The following CAPN8 variants were observed in gnomAD, a reference collection of about 807,000 sequenced individuals.
The protein encoded by CAPN8 is calpain 8.
Under a neutral mutation model 80.9 loss-of-function variants are expected in CAPN8, and 87 were observed. That is an observed-to-expected ratio of 1.07 (90% CI 0.90 to 1.28). The LOEUF (loss-of-function observed/expected upper bound fraction) is 1.28. Ranked by LOEUF, CAPN8 falls within the 50% of genes most tolerant of loss-of-function variation. CAPN8 has a pLI of 0.00. For missense variants in CAPN8, 757 were observed against 702.0 expected, an observed-to-expected ratio of 1.08 and a Z score of -0.89; for synonymous variants, 299 against 273.8, an observed-to-expected ratio of 1.09 and a Z score of -0.91.
chr1:223,554,965 A>G (rs1656872105), intron 13 of CAPN8, among the ~76,000 whole-genome samples: 1 of 152,262 alleles, frequency 6.6e-6, no homozygotes. Context: ...TGGAAAAGTG[A>G]CAGCTTCCCA....
intron 2 of CAPN8, among the ~76,000 whole-genome samples, chr1:223,633,095 C>T (rs992362312): frequency 1.3e-5 from 2 of 152,176 alleles, no homozygotes; most frequent in African/African-American, 4.8e-5. Context: ...TTACACTAGC[C>T]CTGGGCTGTC....
At chr1:223,637,440 A>G (rs36072692) in intron 2 of CAPN8, among the ~76,000 whole-genome samples, 58,585 of 152,018 alleles carry the variant, frequency 0.39, 12,501 homozygotes, top group Non-Finnish European at 0.49. Context: ...TGCTCCCCTG[A>G]TTCCCATCAC....
chr1:223,636,932 C>G (rs534694213), intron 2 of CAPN8, among the ~76,000 whole-genome samples: 2 of 152,194 alleles, frequency 1.3e-5, no homozygotes, highest in African/African-American at 2.4e-5. Flanking sequence ...TTCTGTTTCC[C>G]CCCTTTTTCT....
At chr1:223,652,865 G>C (rs1658378629) in intron 2 of CAPN8, among the ~76,000 whole-genome samples, 1 of 152,024 alleles carries the variant, frequency 6.6e-6, no homozygotes, top group African/African-American at 2.4e-5. Context: ...TTCATTTCCT[G>C]TGCTTCCAGC....
Position 223,619,358 on chromosome 1 carries a change from T to C in CAPN8, c.1070A>G (p.Asn357Ser). The C allele has an allele frequency of 6.4e-7, 1 of 1,551,328 alleles. No individual in the cohort carries two copies. The highest frequency in any genetic ancestry group is 1.2e-5 in the South Asian group (1 of 83,980). The change falls in exon 9 of 21, where the codon AAC becomes AGC. Residue 357 changes from asparagine (N) to serine (S), a missense_variant. By Grantham distance (46) the Asn-to-Ser change is conservative. Coordinates refer to ENST00000366872, the MANE Select transcript of CAPN8 (RefSeq NM_001143962.2). ...CCAGTGGCCGTTGAACAGGACCAGG[T>C]TCCATTTGTGCACCTCCTCGCTACT... Reference protein sequence around the residue: ...SLSSEEVHKWNLVLFNGHWTR... With the variant: ...SLSSEEVHKWSLVLFNGHWTR...
intron 17 of CAPN8, 171 bp from the exon 18 acceptor site, chr1:223,545,021 G>C (rs1426890987): frequency 4.9e-6 from 7 of 1,419,950 alleles, no homozygotes; most frequent in Non-Finnish European, 5.6e-6. Flanking sequence ...GGCCAGTGCT[G>C]GCCCCTTTGC....
intron 16 of CAPN8, among the ~76,000 whole-genome samples, chr1:223,547,662 A>G (rs957139023): frequency 6.6e-6 from 1 of 152,174 alleles, no homozygotes; most frequent in Non-Finnish European, 1.5e-5. Flanking sequence ...TTCCATGGGT[A>G]TTTCTGCTGA....
intron 10 of CAPN8, among the ~76,000 whole-genome samples, chr1:223,614,674 C>T (rs75367973): frequency 1.4e-3 from 207 of 152,328 alleles, no homozygotes; most frequent in Non-Finnish European, 2.6e-3. Context: ...GAGTGTGCAT[C>T]TCACTTTCCA....
intron 2 of CAPN8, among the ~76,000 whole-genome samples, chr1:223,652,672 T>C (rs1108087): frequency 0.21 from 31,963 of 151,832 alleles, 5,180 homozygotes; most frequent in African/African-American, 0.44. Context: ...GCGCTGTGAA[T>C]CTCCTCTTCT....
chr1:223,548,457 C>T (rs1418713759), intron 16 of CAPN8, among the ~76,000 whole-genome samples: 1 of 152,184 alleles, frequency 6.6e-6, no homozygotes, highest in Non-Finnish European at 1.5e-5. Flanking sequence ...TGCTGAAACC[C>T]AATCCTCATG....
chr1:223,543,301 C>T (rs1656524249), intron 19 of CAPN8, 135 bp from the exon 20 acceptor site: 1 of 1,025,774 alleles, frequency 9.7e-7, no homozygotes, highest in African/African-American at 1.6e-5. Flanking sequence ...CCCTCCAGCC[C>T]CCACCTAGGC....
chr1:223,655,592 GA>G (rs1330543936), intron 1 of CAPN8, among the ~76,000 whole-genome samples: 1 of 152,118 alleles, frequency 6.6e-6, no homozygotes, highest in Non-Finnish European at 1.5e-5. Flanking sequence ...TTGACATTAT[GA>G]AAAAAGTCAG....
At chr1:223,639,315 C>T (rs1157367451) in intron 2 of CAPN8, among the ~76,000 whole-genome samples, 4 of 152,134 alleles carry the variant, frequency 2.6e-5, no homozygotes, top group Non-Finnish European at 5.9e-5. Context: ...CTAGAAAATG[C>T]AGATGAGAAA....
intron 15 of CAPN8, among the ~76,000 whole-genome samples, chr1:223,550,195 G>T (rs905403705): frequency 6.6e-6 from 1 of 152,164 alleles, no homozygotes; most frequent in East Asian, 1.9e-4. Flanking sequence ...ACAACTGCAG[G>T]AGCAAGAGTG....
chr1:223,619,805 G>A (rs935832260), intron 8 of CAPN8, among the ~76,000 whole-genome samples: 2 of 152,192 alleles, frequency 1.3e-5, no homozygotes, highest in Non-Finnish European at 2.9e-5. Context: ...AATTCGGAGT[G>A]ATGTCCAGCT....
rs1394737452 is a variant in CAPN8, at chr1:223,642,926, C to T, written c.307+11404G>A. The T allele has an allele frequency of 1.5e-5, 6 of 395,104 alleles. No homozygotes were observed. In the East Asian group the frequency reaches 3.9e-4, roughly 25 times the overall value. 24.5% of individuals were successfully genotyped at this position (395,104 alleles called of 1,614,324 possible). Reference sequence around the variant, plus strand: ...GCTTTAAATCAGACCTTTAATGCTACTTAGAGGGAAACATTTTTCTTAGTA... The same window carrying T: ...GCTTTAAATCAGACCTTTAATGCTATTTAGAGGGAAACATTTTTCTTAGTA... On this transcript the variant is annotated intron_variant, in intron 2 of 20. Coordinates refer to ENST00000366872, the MANE Select transcript of CAPN8 (RefSeq NM_001143962.2).
At chr1:223,631,831 A>C (rs1033117491) in intron 2 of CAPN8, among the ~76,000 whole-genome samples, 19 of 152,152 alleles carry the variant, frequency 1.2e-4, no homozygotes, top group Non-Finnish European at 4.4e-5. Flanking sequence ...TGGGGAGTGA[A>C]GGGGGAGACT....
chr1:223,614,547 A>G (rs1194807956), intron 10 of CAPN8, among the ~76,000 whole-genome samples: 1 of 152,170 alleles, frequency 6.6e-6, no homozygotes, highest in Admixed American at 6.5e-5. Flanking sequence ...CTCCCTTGAA[A>G]TCAAGTTCAT....
intron 16 of CAPN8, 33 bp from the exon 17 acceptor site, chr1:223,545,332 C>T: frequency 6.4e-7 from 1 of 1,551,380 alleles, no homozygotes; most frequent in Non-Finnish European, 8.7e-7. Context: ...TGATTGAGTC[C>T]AAATTCTACA....
Sources: allele counts gnomAD v4.1 joint callset (sites outside exome capture counted in the v4.1 genomes callset), GRCh38; gene constraint gnomAD v4.1.1; transcripts MANE v1.5; gene names NCBI Gene and HGNC (gene_info 2026-07-23, HGNC 2026-07-21).